CNTN4: variants seen among roughly 807,000 people sequenced by gnomAD.
CNTN4 encodes contactin 4.
CNTN4 carries 77 observed loss-of-function variants against 122.5 expected under a neutral mutation model. The observed-to-expected ratio is 0.63, with a 90% CI of 0.52 to 0.76. CNTN4 has a LOEUF of 0.76. CNTN4 is among the 30% of genes least tolerant of loss of function. CNTN4 has a pLI of 0.00. For missense variants in CNTN4, 1,256 were observed against 1,259.1 expected (o/e 1.00, Z 0.04); for synonymous variants, 512 against 447.0 (o/e 1.15, Z -1.83).
At chr3:2,490,241 T>G (rs1207501945) in intron 3 of CNTN4, among the ~76,000 whole-genome samples, 2 of 152,234 alleles carry the variant, frequency 1.3e-5, no homozygotes, top group Non-Finnish European at 2.9e-5. Flanking sequence ...CATGGCTTTC[T>G]GCCGGTGTAG....
intron 4 of CNTN4, among the ~76,000 whole-genome samples, chr3:2,621,245 T>C (rs1326834429): frequency 6.6e-6 from 1 of 152,166 alleles, no homozygotes; most frequent in Non-Finnish European, 1.5e-5. Flanking sequence ...CTAGACTGAG[T>C]CTGCCTCAAC....
chr3:2,803,260 T>G (rs1236970595), intron 6 of CNTN4, among the ~76,000 whole-genome samples: 1 of 152,192 alleles, frequency 6.6e-6, no homozygotes, highest in East Asian at 1.9e-4. Context: ...CAGATTGACA[T>G]AAACTAAAAT....
chr3:2,747,780 A>C (rs1354851798), intron 6 of CNTN4, among the ~76,000 whole-genome samples: 1 of 152,188 alleles, frequency 6.6e-6, no homozygotes, highest in African/African-American at 2.4e-5. Flanking sequence ...ATTTGGTTTG[A>C]AAAATTCTAG....
intron 2 of CNTN4, among the ~76,000 whole-genome samples, chr3:2,178,033 ATT>A (rs1006622824): frequency 5.3e-4 from 80 of 151,948 alleles, no homozygotes; most frequent in African/African-American, 1.7e-3. Flanking sequence ...TTTCTCTCTT[ATT>A]TTCAAAGTCA....
intron 14 of CNTN4, among the ~76,000 whole-genome samples, chr3:2,991,373 T>C (rs75428858): frequency 0.049 from 7,494 of 152,228 alleles, 259 homozygotes; most frequent in Non-Finnish European, 0.068. Context: ...AGCAGAGTTA[T>C]TTCTGGCAGT....
intron 2 of CNTN4, among the ~76,000 whole-genome samples, chr3:2,243,428 G>A (rs189442491): frequency 6.6e-6 from 1 of 152,106 alleles, no homozygotes; most frequent in Non-Finnish European, 1.5e-5. Flanking sequence ...ATTAAAGCAA[G>A]CTTGTTCAAC....
chr3:2,768,899 C>A (rs1230809779), intron 6 of CNTN4, among the ~76,000 whole-genome samples: 1 of 152,154 alleles, frequency 6.6e-6, no homozygotes, highest in African/African-American at 2.4e-5. Context: ...TAGGAAGTGA[C>A]TTCCTCAAGT....
At chr3:2,717,067 T>C (rs1559423147) in intron 4 of CNTN4, among the ~76,000 whole-genome samples, 1 of 152,212 alleles carries the variant, frequency 6.6e-6, no homozygotes, top group African/African-American at 2.4e-5. Context: ...ATAATACTGC[T>C]ATGAACACTT....
In CNTN4 at chr3:2,565,340, A is replaced by C. The variant is rs180828372; in HGVS notation, c.-88-6076A>C. ...TCATTCCTAGCAGACTACTTACTGC[A>C]ATCTCCAGTCAAGTTTGAAAGACAT... On this transcript the variant is annotated intron_variant, in intron 3 of 24. Transcript: ENST00000418658. 6.6e-5 allele frequency among the ~76,000 whole-genome samples: 10 copies of C among 152,284 alleles called. No homozygotes were observed. In the East Asian group the frequency reaches 1.5e-3, roughly 24 times the overall value.
intron 8 of CNTN4, among the ~76,000 whole-genome samples, chr3:2,868,352 T>C (rs2093747383): frequency 6.6e-6 from 1 of 152,210 alleles, no homozygotes; most frequent in African/African-American, 2.4e-5. Flanking sequence ...CAGAGCCTGA[T>C]ATCTTAAACC....
chr3:2,343,638 A>G (rs373329261), intron 3 of CNTN4, among the ~76,000 whole-genome samples: 11 of 152,302 alleles, frequency 7.2e-5, no homozygotes, highest in African/African-American at 2.6e-4. Flanking sequence ...CTTTCATTTC[A>G]ATAAACCTGT....
At chr3:2,159,941 A>G (rs115513970) in intron 2 of CNTN4, among the ~76,000 whole-genome samples, 1 of 151,230 alleles carries the variant, frequency 6.6e-6, no homozygotes, top group Non-Finnish European at 1.5e-5. Flanking sequence ...GAAAATGACT[A>G]TTTCTTTTTT....
At position 3,023,330 on chromosome 3, in the gene CNTN4, T is replaced by C. The variant is rs1698454832; in HGVS notation, c.1487-2772T>C. On this transcript the variant is annotated intron_variant, in intron 14 of 24. Transcript: ENST00000418658. ...GAATCGGCGACAAGTGCTGAGTTAATGAATCAGCAGCTGTCAGCACAACAA... is the reference window on the plus strand; with the variant it reads ...GAATCGGCGACAAGTGCTGAGTTAACGAATCAGCAGCTGTCAGCACAACAA... Among the ~76,000 whole-genome samples, 5 of 152,170 alleles carry C rather than the reference T, an allele frequency of 3.3e-5. No homozygotes were observed. In the South Asian group the frequency reaches 1.0e-3, roughly 32 times the overall value.
intron 2 of CNTN4, among the ~76,000 whole-genome samples, chr3:2,178,120 A>C (rs191060618): frequency 2.0e-5 from 3 of 151,816 alleles, no homozygotes; most frequent in Non-Finnish European, 4.4e-5. Flanking sequence ...CTTTCATAGC[A>C]TGCATTTCAT....
intron 2 of CNTN4, among the ~76,000 whole-genome samples, chr3:2,144,888 A>G (rs1167593542): frequency 1.3e-5 from 2 of 152,348 alleles, no homozygotes; most frequent in African/African-American, 4.8e-5. Flanking sequence ...TATTGGATTT[A>G]TTGTACTTAC....
intron 4 of CNTN4, among the ~76,000 whole-genome samples, chr3:2,599,427 A>G (rs985590844): frequency 1.2e-4 from 19 of 152,304 alleles, no homozygotes; most frequent in African/African-American, 4.6e-4. Flanking sequence ...CACAGGGCCT[A>G]AATGTGTGGA....
intron 3 of CNTN4, among the ~76,000 whole-genome samples, chr3:2,526,356 TA>T (rs2077397798): frequency 6.6e-6 from 1 of 152,168 alleles, no homozygotes; most frequent in Non-Finnish European, 1.5e-5. Flanking sequence ...ATGGCATATT[TA>T]AAGGACAAAT....
intron 2 of CNTN4, among the ~76,000 whole-genome samples, chr3:2,237,115 A>G (rs889122475): frequency 3.3e-5 from 5 of 152,126 alleles, no homozygotes; most frequent in Non-Finnish European, 5.9e-5. Flanking sequence ...AAGACAGTGA[A>G]GCATCTTAAG....
At chr3:2,259,375 A>G (rs980825192) in intron 2 of CNTN4, among the ~76,000 whole-genome samples, 5 of 152,212 alleles carry the variant, frequency 3.3e-5, no homozygotes, top group Non-Finnish European at 5.9e-5. Context: ...CTCATGTTAC[A>G]TGATGGGGAA....
Sources: gnomAD v4.1 joint callset for allele counts (sites outside exome capture counted in the v4.1 genomes callset) on GRCh38, gnomAD v4.1.1 for gene constraint, MANE v1.5 for transcripts, NCBI Gene and HGNC (gene_info 2026-07-23, HGNC 2026-07-21) for gene names.